The following LIN28B variants were observed in gnomAD, a reference collection of about 807,000 sequenced individuals.
The protein encoded by LIN28B is lin-28 RNA binding posttranscriptional regulator B.
A neutral mutation model predicts 21.9 loss-of-function variants in LIN28B; 5 were observed. That is an observed-to-expected ratio of 0.23 (90% CI 0.12 to 0.48). LIN28B has a LOEUF of 0.48. Among genes scored for constraint, LIN28B ranks in the 20% least tolerant of loss-of-function variants. The pLI is 0.98. For synonymous variants in LIN28B, 109 were observed against 111.3 expected (o/e 0.98, Z 0.13); for missense variants, 245 against 310.5 (o/e 0.79, Z 1.58).
At chr6:105,046,289 A>C (rs1286470789) in intron 3 of LIN28B, among the ~76,000 whole-genome samples, 1 of 152,096 alleles carries the variant, frequency 6.6e-6, no homozygotes, top group Non-Finnish European at 1.5e-5. Flanking sequence ...TCCTTGCGAT[A>C]GTTTGCTGAG....
intron 2 of LIN28B, among the ~76,000 whole-genome samples, chr6:105,014,970 A>C (rs1437878721): frequency 6.6e-6 from 1 of 151,678 alleles, no homozygotes; most frequent in Admixed American, 6.6e-5. Context: ...TTATCTTTTT[A>C]TTTATCATTA....
chr6:104,997,990 C>G (rs1349023624), intron 2 of LIN28B, among the ~76,000 whole-genome samples: 2 of 152,096 alleles, frequency 1.3e-5, no homozygotes, highest in Non-Finnish European at 2.9e-5. Flanking sequence ...ATTGGAAAAG[C>G]CTTATTGTTG....
rs1268339203 is a variant in LIN28B at position 105,076,246 on chromosome 6, G to A, written c.384-2168G>A. ...ATTTCTTGTTTTTTTTTCTCTTTTT[G>A]AAAATATGATTCAGTCTGTCCTAAG... On this transcript the variant is annotated intron_variant, in intron 3 of 3. Transcript: ENST00000345080. Among the ~76,000 whole-genome samples the A allele has an allele frequency of 1.3e-5, 2 of 150,198 alleles. 1 individual carries two copies. The highest frequency in any genetic ancestry group is 1.3e-4 in the Admixed American group (2 of 15,140).
chr6:104,970,074 AG>A (rs1443091111), intron 2 of LIN28B, among the ~76,000 whole-genome samples: 2 of 152,324 alleles, frequency 1.3e-5, no homozygotes, highest in East Asian at 3.9e-4. Context: ...TATCTGTATA[AG>A]GAATCACAGT....
chr6:105,028,186 AGTAT>A (rs1771326060), intron 3 of LIN28B, among the ~76,000 whole-genome samples: 1 of 152,214 alleles, frequency 6.6e-6, no homozygotes, highest in Non-Finnish European at 1.5e-5. Context: ...GGTTGGAATC[AGTAT>A]GTGAGGGAGA....
chr6:105,062,593 A>G (rs893626403), intron 3 of LIN28B, among the ~76,000 whole-genome samples: 2 of 152,230 alleles, frequency 1.3e-5, no homozygotes, highest in African/African-American at 2.4e-5. Context: ...TGGTATGAAG[A>G]TACTAATTTT....
chr6:105,028,218 T>TCC lies in LIN28B; in HGVS notation c.383+1736_383+1737insCC, dbSNP rs1345579837. Among the ~76,000 whole-genome samples the TCC allele has an allele frequency of 3.1e-3, 478 of 152,312 alleles. 5 individuals carry two copies. The highest frequency in any genetic ancestry group is 0.011 in the African/African-American group (456 of 41,576). On this transcript the variant is annotated intron_variant, in intron 3 of 3. Transcript: ENST00000345080. ...GAGGGAGAATAGTGGAGGTTGAGAT[T>TCC]TGAAGAGTAAGATGGCAGGACATTT... is the stretch of plus-strand genomic sequence containing the variant.
intron 3 of LIN28B, among the ~76,000 whole-genome samples, chr6:105,064,290 A>G (rs907873030): frequency 6.6e-6 from 1 of 152,226 alleles, no homozygotes; most frequent in Non-Finnish European, 1.5e-5. Flanking sequence ...AAGAATAGAC[A>G]TATTTGTAGA....
In LIN28B at chr6:105,078,131, C is replaced by G. The variant is rs1274255200; in HGVS notation, c.384-283C>G. Among the ~76,000 whole-genome samples the G allele has an allele frequency of 2.0e-5, 3 of 152,070 alleles. No homozygotes were observed. In the East Asian group the frequency reaches 5.8e-4, roughly 29 times the overall value. ...AGTGTCAAATTTAAAGGAATCCTTT[C>G]TATATGGAAGTGATTAAATATTCTT... On this transcript the variant is annotated intron_variant, in intron 3 of 3. Coordinates refer to ENST00000345080, the MANE Select transcript of LIN28B (RefSeq NM_001004317.4).
At chr6:105,014,226 C>T (rs547473883) in intron 2 of LIN28B, among the ~76,000 whole-genome samples, 47 of 152,300 alleles carry the variant, frequency 3.1e-4, no homozygotes, top group African/African-American at 1.1e-3. Flanking sequence ...CAGCTCACTA[C>T]AGCTTCAACC....
chr6:104,942,905 C>A (rs866148493), intron 2 of LIN28B, among the ~76,000 whole-genome samples: 10 of 68,002 alleles, frequency 1.5e-4, no homozygotes, highest in African/African-American at 7.0e-4. Context: ...ATAGGTGCTT[C>A]TCAATAGATC....
At chr6:104,994,453 TA>T (rs1454194242) in intron 2 of LIN28B, among the ~76,000 whole-genome samples, 1 of 152,212 alleles carries the variant, frequency 6.6e-6, no homozygotes, top group Non-Finnish European at 1.5e-5. Context: ...ATTTAGGATT[TA>T]AAAATGGATT....
intron 3 of LIN28B, among the ~76,000 whole-genome samples, chr6:105,065,004 T>C (rs1197479711): frequency 6.6e-6 from 1 of 152,106 alleles, no homozygotes; most frequent in Admixed American, 6.5e-5. Flanking sequence ...TTATTAAGAG[T>C]ATTTGGACTT....
chr6:105,012,159 A>G (rs1044093828), intron 2 of LIN28B, among the ~76,000 whole-genome samples: 1 of 151,518 alleles, frequency 6.6e-6, no homozygotes, highest in African/African-American at 2.4e-5. Context: ...CTCCGTCTCA[A>G]ACAAAAAATA....
intron 2 of LIN28B, among the ~76,000 whole-genome samples, chr6:105,024,059 G>T (rs767755501): frequency 6.6e-6 from 1 of 151,734 alleles, no homozygotes. Context: ...CTCGATCTCC[G>T]CTCACTGCAA....
At chr6:105,049,516 G>A (rs1297997953) in intron 3 of LIN28B, among the ~76,000 whole-genome samples, 2 of 152,152 alleles carry the variant, frequency 1.3e-5, no homozygotes, top group Non-Finnish European at 2.9e-5. Flanking sequence ...TGTCTATTAG[G>A]TCCGCTTGGT....
intron 3 of LIN28B, among the ~76,000 whole-genome samples, chr6:105,050,847 G>C (rs1771887424): frequency 6.6e-6 from 1 of 150,992 alleles, no homozygotes; most frequent in Non-Finnish European, 1.5e-5. Context: ...TGTTGATTTT[G>C]GTACTTGGTT....
intron 2 of LIN28B, among the ~76,000 whole-genome samples, chr6:104,987,218 T>C (rs1770365407): frequency 6.6e-6 from 1 of 152,248 alleles, no homozygotes; most frequent in Admixed American, 6.5e-5. Flanking sequence ...ATTTTTTTGA[T>C]GCTCTTGTTA....
At chr6:105,064,828 T>G (rs934318809) in intron 3 of LIN28B, among the ~76,000 whole-genome samples, 5 of 152,202 alleles carry the variant, frequency 3.3e-5, no homozygotes, top group South Asian at 4.1e-4. Flanking sequence ...GCCAAGTTCT[T>G]CATGGAAAGT....
Sources: allele counts gnomAD v4.1 joint callset (sites outside exome capture counted in the v4.1 genomes callset), GRCh38; gene constraint gnomAD v4.1.1; transcripts MANE v1.5; gene names NCBI Gene and HGNC (gene_info 2026-07-23, HGNC 2026-07-21).